PPP3CA: variants seen among roughly 807,000 people sequenced by gnomAD.
PPP3CA encodes the protein CAM-PRP catalytic subunit.
PPP3CA carries 14 observed loss-of-function variants against 66.5 expected under a neutral mutation model. The observed-to-expected ratio is 0.21, with a 90% CI of 0.14 to 0.33. PPP3CA has a LOEUF of 0.33. Ranked by LOEUF, PPP3CA falls within the 10% of genes least tolerant of loss-of-function variation. PPP3CA has a pLI of 1.00. For missense variants in PPP3CA, 317 were observed against 639.5 expected (o/e 0.50, Z 5.44); for synonymous variants, 232 against 226.2 (o/e 1.03, Z -0.23).
At chr4:101,290,202 T>C (rs1428484601) in intron 1 of PPP3CA, among the ~76,000 whole-genome samples, 1 of 152,208 alleles carries the variant, frequency 6.6e-6, no homozygotes, top group Non-Finnish European at 1.5e-5. Context: ...AGGATATAAC[T>C]GTTTCTAGTT....
chr4:101,267,276 C>A (rs1291095956), intron 1 of PPP3CA, among the ~76,000 whole-genome samples: 2 of 152,106 alleles, frequency 1.3e-5, no homozygotes, highest in African/African-American at 4.8e-5. Context: ...AATTCAATTT[C>A]CACAGAATCA....
At chr4:101,046,517 ATATT>A (rs1271420460) in intron 10 of PPP3CA, among the ~76,000 whole-genome samples, 1 of 152,030 alleles carries the variant, frequency 6.6e-6, no homozygotes, top group Non-Finnish European at 1.5e-5. Context: ...TATAAAAAGT[ATATT>A]TATACTAAAA....
At chr4:101,231,062 C>G (rs534168064) in intron 1 of PPP3CA, among the ~76,000 whole-genome samples, 4 of 151,784 alleles carry the variant, frequency 2.6e-5, no homozygotes, top group Admixed American at 2.6e-4. Flanking sequence ...CCACGATTTT[C>G]AATTCTCCTC....
At chr4:101,155,095 G>A (rs1330055565) in intron 2 of PPP3CA, among the ~76,000 whole-genome samples, 12 of 152,126 alleles carry the variant, frequency 7.9e-5, no homozygotes, top group African/African-American at 1.9e-4. Flanking sequence ...GATTACGGGC[G>A]TGAGCCAACG....
In PPP3CA at chr4:101,080,425, T is replaced by A. The variant is rs575502044; in HGVS notation, c.955+107A>T. On this transcript the variant is annotated intron_variant, in intron 8 of 13. Coordinates refer to ENST00000394854, the MANE Select transcript of PPP3CA (RefSeq NM_000944.5). ...CATGAAACAATAACTGAAAAAATTTTAAAAAAAAAGACTGGTTAAAATACT... is the reference window on the plus strand; with the variant it reads ...CATGAAACAATAACTGAAAAAATTTAAAAAAAAAAGACTGGTTAAAATACT... 3.7e-3 allele frequency: 1,854 copies of A among 496,844 alleles called. 13 individuals carry two copies. Among genetic ancestry groups the A allele is most frequent in the South Asian group, 0.016 (171 of 10,508 alleles). The allele number at this position is 496,844 out of a possible 1,614,324, so 30.8% of individuals were successfully genotyped here. A position where few individuals can be genotyped will look rare whatever the true frequency, so the allele number is the denominator to read the frequency against.
At chr4:101,044,940 G>C (rs188247830) in intron 10 of PPP3CA, among the ~76,000 whole-genome samples, 1 of 152,334 alleles carries the variant, frequency 6.6e-6, no homozygotes, top group African/African-American at 2.4e-5. Flanking sequence ...AAAGGCATTT[G>C]CACCACAGAT....
At chr4:101,162,741 C>T (rs1723560218) in intron 2 of PPP3CA, among the ~76,000 whole-genome samples, 1 of 152,080 alleles carries the variant, frequency 6.6e-6, no homozygotes. Context: ...TTTAAAGTAT[C>T]TTGCCCTGGG....
intron 1 of PPP3CA, among the ~76,000 whole-genome samples, chr4:101,270,100 T>C (rs758046535): frequency 2.0e-5 from 3 of 152,162 alleles, no homozygotes; most frequent in African/African-American, 4.8e-5. Flanking sequence ...TTGAGGAATA[T>C]TGCATAAAGA....
In PPP3CA at chr4:101,061,148, C is replaced by T. The variant is rs78927351; in HGVS notation, c.1095G>A (p.Leu365=). The T allele has an allele frequency of 6.2e-7, 1 of 1,611,782 alleles. No homozygotes were observed. Among genetic ancestry groups the T allele is most frequent in the South Asian group, 1.1e-5 (1 of 91,024 alleles). ...PFVGEKVTEM[L]VNVLNICSDD... ...CTGAGCAGATGTTGAGGACATTTACCAGCATCTCAGTCACTAAAGAGAGAA... is the reference window on the plus strand; with the variant it reads ...CTGAGCAGATGTTGAGGACATTTACTAGCATCTCAGTCACTAAAGAGAGAA... The change falls in exon 10 of 14, where the codon CTG becomes CTA. Residue 365 remains leucine, a synonymous_variant. Coordinates refer to ENST00000394854, the MANE Select transcript of PPP3CA (RefSeq NM_000944.5).
intron 5 of PPP3CA, among the ~76,000 whole-genome samples, chr4:101,094,545 C>A (rs1292172985): frequency 6.6e-6 from 1 of 152,086 alleles, no homozygotes; most frequent in Non-Finnish European, 1.5e-5. Context: ...CTACAAGCCT[C>A]CTGTAGTTGA....
At chr4:101,093,144 T>C (rs1730033823) in intron 6 of PPP3CA, among the ~76,000 whole-genome samples, 1 of 152,214 alleles carries the variant, frequency 6.6e-6, no homozygotes, top group Admixed American at 6.5e-5. Context: ...ATGATCGCCA[T>C]TCTAACTGGC....
At chr4:101,256,473 A>T (rs1726846692) in intron 1 of PPP3CA, among the ~76,000 whole-genome samples, 1 of 152,030 alleles carries the variant, frequency 6.6e-6, no homozygotes, top group Non-Finnish European at 1.5e-5. Flanking sequence ...AACTACATGT[A>T]CTTTAAAGCA....
chr4:101,057,407 AAAT>A (rs1728272602), intron 10 of PPP3CA, among the ~76,000 whole-genome samples: 2 of 152,348 alleles, frequency 1.3e-5, no homozygotes, highest in South Asian at 4.1e-4. Context: ...ATTTCTTCTT[AAAT>A]GGCAAATTTA....
intron 2 of PPP3CA, among the ~76,000 whole-genome samples, chr4:101,154,966 G>A (rs1042164364): frequency 3.3e-5 from 5 of 151,860 alleles, no homozygotes; most frequent in African/African-American, 1.2e-4. Flanking sequence ...ACAGGTGCCT[G>A]CCACCACACC....
chr4:101,070,570 C>T (rs1303656425), intron 8 of PPP3CA, among the ~76,000 whole-genome samples: 3 of 152,104 alleles, frequency 2.0e-5, no homozygotes, highest in Non-Finnish European at 2.9e-5. Flanking sequence ...TGCCCTCTCA[C>T]TTTTAAAGTA....
At chr4:101,157,321 T>C (rs756143315) in intron 2 of PPP3CA, among the ~76,000 whole-genome samples, 1 of 152,236 alleles carries the variant, frequency 6.6e-6, no homozygotes, top group Non-Finnish European at 1.5e-5. Flanking sequence ...GTTCCACACA[T>C]TAATTCCTTG....
intron 1 of PPP3CA, among the ~76,000 whole-genome samples, chr4:101,203,045 A>G (rs1217970741): frequency 6.6e-6 from 1 of 152,152 alleles, no homozygotes; most frequent in Non-Finnish European, 1.5e-5. Context: ...TAACATACCA[A>G]TGTGTTAAAG....
At chr4:101,105,867 G>C (rs1033587821) in intron 3 of PPP3CA, among the ~76,000 whole-genome samples, 2 of 152,166 alleles carry the variant, frequency 1.3e-5, no homozygotes, top group African/African-American at 4.8e-5. Context: ...ACTCCAACAT[G>C]ATAGTCTTGG....
intron 6 of PPP3CA, among the ~76,000 whole-genome samples, chr4:101,085,278 C>A (rs183825096): frequency 1.3e-5 from 2 of 152,162 alleles, no homozygotes. Flanking sequence ...CACTGTCAGA[C>A]AGGTTGCCTG....
Sources: allele counts gnomAD v4.1 joint callset (sites outside exome capture counted in the v4.1 genomes callset), GRCh38; gene constraint gnomAD v4.1.1; transcripts MANE v1.5; gene names NCBI Gene and HGNC (gene_info 2026-07-23, HGNC 2026-07-21).